The following GALNT13 variants were observed in gnomAD, a reference collection of about 807,000 sequenced individuals.
GALNT13 encodes polypeptide N-acetylgalactosaminyltransferase 13.
Under a neutral mutation model 64.2 loss-of-function variants are expected in GALNT13, and 28 were observed. That is an observed-to-expected ratio of 0.44 (90% CI 0.32 to 0.60). The LOEUF (loss-of-function observed/expected upper bound fraction) is 0.60. GALNT13 is among the 20% of genes least tolerant of loss of function. The pLI is 0.05. For synonymous variants in GALNT13, 214 were observed against 224.6 expected, an observed-to-expected ratio of 0.95 and a Z score of 0.42; for missense variants, 577 against 669.8, an observed-to-expected ratio of 0.86 and a Z score of 1.53.
chr2:153,698,434 G>T, the GALNT13 span, among the ~76,000 whole-genome samples: 10 of 151,816 alleles, frequency 6.6e-5, no homozygotes, highest in Non-Finnish European at 1.2e-4. Flanking sequence ...AAAAAAAGGC[G>T]TCACAATCCT....
At chr2:154,267,273 T>C (rs1048511300) in intron 8 of GALNT13, among the ~76,000 whole-genome samples, 1 of 152,158 alleles carries the variant, frequency 6.6e-6, no homozygotes, top group African/African-American at 2.4e-5. Flanking sequence ...CAAATATTCC[T>C]TAGATATGAC....
the GALNT13 span, among the ~76,000 whole-genome samples, chr2:153,197,310 A>G: frequency 6.6e-6 from 1 of 152,222 alleles, no homozygotes; most frequent in African/African-American, 2.4e-5. Context: ...CTTGGGCACT[A>G]GCACGGGTGG....
chr2:153,138,087 T>C, the GALNT13 span, among the ~76,000 whole-genome samples: 3 of 152,080 alleles, frequency 2.0e-5, no homozygotes, highest in Non-Finnish European at 2.9e-5. Flanking sequence ...AAAAACTCTC[T>C]AAGGAGGTAC....
chr2:153,562,201 T>TA, the GALNT13 span, among the ~76,000 whole-genome samples: 2 of 151,910 alleles, frequency 1.3e-5, no homozygotes, highest in Non-Finnish European at 2.9e-5. Context: ...GCTCATTTAC[T>TA]AAAAAAATAG....
intron 1 of GALNT13, among the ~76,000 whole-genome samples, chr2:153,883,223 T>C (rs1360540465): frequency 6.6e-6 from 1 of 151,654 alleles, no homozygotes; most frequent in Non-Finnish European, 1.5e-5. Context: ...AGGGAAAATT[T>C]GTGATTTTAA....
At position 154,074,624 on chromosome 2, in the gene GALNT13, GATA is replaced by G. The variant is rs1301391094; in HGVS notation, c.143-65712_143-65710del. ...TCTCTTGATACCAAAATCTGGTAGA[GATA>G]CAACAAAAACAGAAAACTTCAGGCC... On this transcript the variant is annotated intron_variant, in intron 3 of 12. Coordinates refer to ENST00000392825, the MANE Select transcript of GALNT13 (RefSeq NM_052917.4). 4.6e-5 allele frequency among the ~76,000 whole-genome samples: 7 copies of G among 151,766 alleles called. No individual in the cohort carries two copies. The East Asian group carries it at 1.2e-3, about 25-fold the overall frequency.
chr2:153,649,324 T>C, the GALNT13 span, among the ~76,000 whole-genome samples: 4 of 152,140 alleles, frequency 2.6e-5, no homozygotes, highest in Admixed American at 6.6e-5. Flanking sequence ...CCTTTATCAT[T>C]TTTTATTGCG....
At chr2:154,232,527 G>C (rs527569653) in intron 4 of GALNT13, among the ~76,000 whole-genome samples, 211 of 152,040 alleles carry the variant, frequency 1.4e-3, no homozygotes, top group African/African-American at 4.7e-3. Flanking sequence ...CAAAAATAAC[G>C]TACCATCTTT....
chr2:154,449,130 T>G (rs180754023), intron 12 of GALNT13, among the ~76,000 whole-genome samples: 1 of 152,126 alleles, frequency 6.6e-6, no homozygotes, highest in African/African-American at 2.4e-5. Context: ...CTTTCTTTGT[T>G]TTTTAGTGTA....
chr2:153,243,434 C>G, the GALNT13 span, among the ~76,000 whole-genome samples: 5 of 152,208 alleles, frequency 3.3e-5, no homozygotes, highest in African/African-American at 1.2e-4. Flanking sequence ...ACACTTCTGT[C>G]TGATATTCTA....
At chr2:153,581,729 T>C in the GALNT13 span, among the ~76,000 whole-genome samples, 2 of 152,072 alleles carry the variant, frequency 1.3e-5, no homozygotes, top group East Asian at 3.9e-4. Context: ...TCAGTAAAGA[T>C]TTATTGATGT....
At chr2:153,146,173 T>G in the GALNT13 span, among the ~76,000 whole-genome samples, 1 of 145,668 alleles carries the variant, frequency 6.9e-6, no homozygotes, top group East Asian at 2.0e-4. Flanking sequence ...TATGGAGGGT[T>G]TTTTTTTTTT....
the GALNT13 span, among the ~76,000 whole-genome samples, chr2:153,649,842 A>G: frequency 6.6e-6 from 1 of 152,066 alleles, no homozygotes; most frequent in Admixed American, 6.6e-5. Flanking sequence ...GTTTGTTATA[A>G]TTTCTGTTCT....
At chr2:154,283,063 G>A (rs1178912514) in intron 8 of GALNT13, among the ~76,000 whole-genome samples, 1 of 152,132 alleles carries the variant, frequency 6.6e-6, no homozygotes, top group Non-Finnish European at 1.5e-5. Flanking sequence ...CATGCCTTTT[G>A]TGTTTGTGCA....
At chr2:154,326,625 TTGGAAAAAAA>T (rs1280876238) in intron 9 of GALNT13, among the ~76,000 whole-genome samples, 1 of 152,072 alleles carries the variant, frequency 6.6e-6, no homozygotes, top group African/African-American at 2.4e-5. Context: ...TTCCGTTCCT[TTGGAAAAAAA>T]TGGAATCTGA....
the GALNT13 span, among the ~76,000 whole-genome samples, chr2:153,443,421 T>C: frequency 6.6e-6 from 1 of 152,202 alleles, no homozygotes; most frequent in Non-Finnish European, 1.5e-5. Flanking sequence ...GGTACCTCAG[T>C]TGGAAATGCA....
chr2:153,323,005 TA>T, the GALNT13 span, among the ~76,000 whole-genome samples: 1 of 152,150 alleles, frequency 6.6e-6, no homozygotes, highest in Admixed American at 6.5e-5. Flanking sequence ...ATCCTTTGGG[TA>T]TATATGCAGT....
At chr2:153,949,383 A>G (rs1692004833) in intron 3 of GALNT13, among the ~76,000 whole-genome samples, 1 of 152,078 alleles carries the variant, frequency 6.6e-6, no homozygotes, top group Admixed American at 6.6e-5. Flanking sequence ...AGTATTAGAT[A>G]AAATTTCTCA....
chr2:153,330,273 T>C, the GALNT13 span, among the ~76,000 whole-genome samples: 3 of 152,210 alleles, frequency 2.0e-5, no homozygotes, highest in Non-Finnish European at 1.5e-5. Context: ...CTTTTTTGGT[T>C]CCATATGAGT....
Sources: allele counts gnomAD v4.1 joint callset (sites outside exome capture counted in the v4.1 genomes callset), GRCh38; gene constraint gnomAD v4.1.1; transcripts MANE v1.5; gene names NCBI Gene and HGNC (gene_info 2026-07-23, HGNC 2026-07-21).